Variants in ATXN7 observed in about 807,000 individuals in gnomAD.
ATXN7 encodes the protein ataxin 7.
ATXN7 carries 12 observed loss-of-function variants against 70.5 expected under a neutral mutation model. The ratio of observed to expected loss-of-function variants is 0.17; its 90% CI spans 0.11 to 0.28. ATXN7 has a LOEUF of 0.28. Ranked by LOEUF, ATXN7 falls within the 10% of genes least tolerant of loss-of-function variation. The pLI is 1.00. For missense variants in ATXN7, 1,256 were observed against 1,131.7 expected (o/e 1.11, Z -1.58); for synonymous variants, 498 against 448.7 (o/e 1.11, Z -1.39).
In ATXN7 at chr3:63,963,366, T is replaced by G. The variant is rs142605323; in HGVS notation, c.499+10883T>G. ...ACGTATTTTTATATAAATACACAAA[T>G]GTAATCATCTCAACTATTTTCAGTG... On this transcript the variant is annotated intron_variant, in intron 5 of 12. Transcript: ENST00000674280. Among the ~76,000 whole-genome samples, 108 of 152,322 alleles carry G rather than the reference T, an allele frequency of 7.1e-4. 1 individual carries two copies. In the East Asian group the frequency reaches 0.016, roughly 23 times the overall value.
chr3:63,881,588 A>G (rs1040351679), intron 1 of ATXN7, among the ~76,000 whole-genome samples: 1 of 150,566 alleles, frequency 6.6e-6, no homozygotes, highest in Non-Finnish European at 1.5e-5. Context: ...TCCTGGGTTC[A>G]AATGATTCTC....
intron 12 of ATXN7, 131 bp downstream of exon 12, chr3:63,996,614 T>A: frequency 6.0e-6 from 3 of 497,912 alleles, no homozygotes; most frequent in Non-Finnish European, 8.7e-6. Context: ...CATGGTGTCT[T>A]CTTAAAAAAA....
rs1158531682 is a variant in ATXN7, at chr3:63,895,941, G to A, written c.-110-2458G>A. Among the ~76,000 whole-genome samples, 5 of 152,180 alleles carry A rather than the reference G, an allele frequency of 3.3e-5. No homozygotes were observed. The South Asian group carries it at 8.3e-4, about 25-fold the overall frequency. On this transcript the variant is annotated intron_variant, in intron 1 of 12. Coordinates refer to ENST00000674280, the MANE Select transcript of ATXN7 (RefSeq NM_001377405.1). ...TGTCTTTTTCCTATAGACTGAGAGA[G>A]CACTTAGAGGTAGCTTGCAGCCTCC...
At chr3:63,927,690 T>C (rs1235386118) in intron 4 of ATXN7, among the ~76,000 whole-genome samples, 1 of 150,736 alleles carries the variant, frequency 6.6e-6, no homozygotes, top group Non-Finnish European at 1.5e-5. Context: ...AGATAAACTC[T>C]GTGCTTTTTT....
chr3:63,979,286 T>C (rs976176904), intron 5 of ATXN7, among the ~76,000 whole-genome samples: 1 of 152,244 alleles, frequency 6.6e-6, no homozygotes, highest in Non-Finnish European at 1.5e-5. Context: ...GAACCGGAGC[T>C]ATGCCATCTG....
intron 5 of ATXN7, among the ~76,000 whole-genome samples, chr3:63,977,038 G>A (rs2075399787): frequency 6.6e-6 from 1 of 152,200 alleles, no homozygotes; most frequent in Non-Finnish European, 1.5e-5. Context: ...ATGAAAAACT[G>A]TAGCATCAGC....
chr3:63,915,632 A>T (rs531987647), intron 4 of ATXN7, among the ~76,000 whole-genome samples: 1 of 152,154 alleles, frequency 6.6e-6, no homozygotes, highest in Admixed American at 6.5e-5. Flanking sequence ...AGAAATATGT[A>T]GATAAATTGA....
At chr3:63,948,671 G>A (rs988948146) in intron 4 of ATXN7, among the ~76,000 whole-genome samples, 15 of 152,170 alleles carry the variant, frequency 9.9e-5, no homozygotes, top group African/African-American at 3.6e-4. Context: ...TTCTAGCAGA[G>A]GGACTTCATT....
chr3:63,887,681 G>A (rs1051282228), intron 1 of ATXN7, among the ~76,000 whole-genome samples: 1 of 152,102 alleles, frequency 6.6e-6, no homozygotes, highest in East Asian at 1.9e-4. Flanking sequence ...AACCTCCCAG[G>A]CTCAAGTGAT....
intron 4 of ATXN7, among the ~76,000 whole-genome samples, chr3:63,921,263 A>C (rs764889191): frequency 6.6e-6 from 1 of 152,184 alleles, no homozygotes; most frequent in Non-Finnish European, 1.5e-5. Context: ...AACAGAAACT[A>C]TTTCCCTCCC....
chr3:63,883,349 GT>G (rs1301628432), intron 1 of ATXN7, among the ~76,000 whole-genome samples: 1 of 152,142 alleles, frequency 6.6e-6, no homozygotes, highest in African/African-American at 2.4e-5. Flanking sequence ...TAGTCCATTT[GT>G]TAATATTGCA....
chr3:63,983,319 TA>T (rs1362013874), intron 8 of ATXN7, among the ~76,000 whole-genome samples: 3 of 152,244 alleles, frequency 2.0e-5, no homozygotes, highest in African/African-American at 7.2e-5. Flanking sequence ...AATATTTCCA[TA>T]TAGGCTACCC....
intron 11 of ATXN7, among the ~76,000 whole-genome samples, 185 bp from the exon 12 acceptor site, chr3:63,995,320 G>C (rs3733123): frequency 6.6e-6 from 1 of 152,184 alleles, no homozygotes; most frequent in East Asian, 1.9e-4. Flanking sequence ...AGTTCTGTAA[G>C]AACTGTACCA....
At chr3:63,977,481 TC>T (rs1332794830) in intron 5 of ATXN7, among the ~76,000 whole-genome samples, 1 of 152,210 alleles carries the variant, frequency 6.6e-6, no homozygotes, top group African/African-American at 2.4e-5. Context: ...GACATGCTGT[TC>T]CTTTAGTGCA....
intron 4 of ATXN7, among the ~76,000 whole-genome samples, chr3:63,939,087 TG>T (rs1397119779): frequency 6.6e-6 from 1 of 152,166 alleles, no homozygotes; most frequent in Non-Finnish European, 1.5e-5. Flanking sequence ...ATCTTCAAGA[TG>T]ATGGCTTCTT....
chr3:63,916,320 C>T (rs926970668), intron 4 of ATXN7, among the ~76,000 whole-genome samples: 1 of 152,110 alleles, frequency 6.6e-6, no homozygotes, highest in African/African-American at 2.4e-5. Context: ...TTTGAAAAGG[C>T]TTCAGGGGAT....
chr3:63,994,312 G>T (rs1288694771), intron 11 of ATXN7, among the ~76,000 whole-genome samples: 1 of 152,148 alleles, frequency 6.6e-6, no homozygotes, highest in Non-Finnish European at 1.5e-5. Flanking sequence ...TCAGCTCACT[G>T]TGACCTCCAC....
In ATXN7 at chr3:63,924,519, C is replaced by T. The variant is rs1704639087; in HGVS notation, c.394+11294C>T. On this transcript the variant is annotated intron_variant, in intron 4 of 12. Coordinates refer to ENST00000674280, the MANE Select transcript of ATXN7 (RefSeq NM_001377405.1). ...CCTCCACAGTGAGGTGGTGGGTGGG[C>T]GAGGAGGACTCTTCAGTGAGGCAGT... Among the ~76,000 whole-genome samples, 4 of 151,908 alleles carry T rather than the reference C, an allele frequency of 2.6e-5. No homozygotes were observed. In the South Asian group the frequency reaches 6.2e-4, roughly 24 times the overall value.
chr3:63,975,856 C>A (rs1170348252), intron 5 of ATXN7, among the ~76,000 whole-genome samples: 1 of 152,206 alleles, frequency 6.6e-6, no homozygotes, highest in Non-Finnish European at 1.5e-5. Flanking sequence ...TTCTCCCCAG[C>A]ACAACACACA....
Sources: allele counts gnomAD v4.1 joint callset (sites outside exome capture counted in the v4.1 genomes callset), GRCh38; gene constraint gnomAD v4.1.1; transcripts MANE v1.5; gene names NCBI Gene and HGNC (gene_info 2026-07-23, HGNC 2026-07-21).